Variants in ADARB2 observed in about 807,000 individuals in gnomAD.
The protein encoded by ADARB2 is adenosine deaminase RNA specific B2 (inactive), also known as inactive double-stranded RNA-specific editase B2.
In ADARB2, 25 loss-of-function variants were observed where a neutral mutation model predicts 62.2. The observed-to-expected ratio is 0.40, with a 90% CI of 0.29 to 0.56. ADARB2 has a LOEUF of 0.56. Ranked by LOEUF, ADARB2 falls within the 20% of genes least tolerant of loss-of-function variation. ADARB2 has a pLI of 0.43. For missense variants in ADARB2, 1,071 were observed against 1,077.4 expected (o/e 0.99, Z 0.08); for synonymous variants, 572 against 500.8 (o/e 1.14, Z -1.90).
intron 6 of ADARB2, among the ~76,000 whole-genome samples, chr10:1,228,679 A>G (rs1472698536): frequency 2.0e-5 from 3 of 152,224 alleles, no homozygotes; most frequent in Non-Finnish European, 4.4e-5. Flanking sequence ...GTCACATGAC[A>G]TTGAAGACTG....
rs1836614026 is a variant in ADARB2, at chr10:1,178,155, G to GA, written c.*5037_*5038insT. 1.4e-5 allele frequency: 1 copy of GA among 70,166 alleles called. No homozygotes were observed. Among genetic ancestry groups the GA allele is most frequent in the Non-Finnish European group, 3.2e-5 (1 of 31,404 alleles). 4.3% of individuals were successfully genotyped at this position (70,166 alleles called of 1,614,324 possible). On this transcript the variant is annotated 3_prime_UTR_variant, in exon 10 of 10. Transcript: ENST00000381312. ...CCTGTTGTGTGGATCCCTCGTGGGG[G>GA]GATGGTGCCTGAGACCTCCTCCTGG...
At chr10:1,381,195 CATAT>C (rs749260566) in intron 1 of ADARB2, among the ~76,000 whole-genome samples, 1 of 124,054 alleles carries the variant, frequency 8.1e-6, no homozygotes, top group Non-Finnish European at 1.8e-5. Context: ...CACACACACA[CATAT>C]ATACTTAAAA....
chr10:1,370,276 CAAA>C (rs1755089531), intron 2 of ADARB2, among the ~76,000 whole-genome samples: 2 of 152,022 alleles, frequency 1.3e-5, no homozygotes, highest in Non-Finnish European at 2.9e-5. Context: ...AAACTGTCAA[CAAA>C]CTAGGCATTG....
intron 4 of ADARB2, among the ~76,000 whole-genome samples, chr10:1,270,355 C>T (rs150012984): frequency 1.6e-4 from 25 of 152,096 alleles, no homozygotes; most frequent in African/African-American, 3.6e-4. Flanking sequence ...GTGAGTGTGA[C>T]GAGGAGGTCA....
intron 1 of ADARB2, among the ~76,000 whole-genome samples, chr10:1,490,404 T>C (rs1372754253): frequency 6.6e-6 from 1 of 152,192 alleles, no homozygotes; most frequent in Non-Finnish European, 1.5e-5. Context: ...AAATGACCAC[T>C]GAAAAAATCC....
chr10:1,218,580 T>C (rs1367684128), intron 6 of ADARB2, among the ~76,000 whole-genome samples: 2 of 152,180 alleles, frequency 1.3e-5, no homozygotes, highest in Non-Finnish European at 2.9e-5. Context: ...ATGGCTGGGA[T>C]CCGTGTCCCC....
chr10:1,535,436 T>C (rs1474422423), intron 1 of ADARB2, among the ~76,000 whole-genome samples: 1 of 152,192 alleles, frequency 6.6e-6, no homozygotes, highest in African/African-American at 2.4e-5. Context: ...TCAGATTAAA[T>C]GTATCTCCTT....
chr10:1,569,858 C>T (rs948638789), intron 1 of ADARB2, among the ~76,000 whole-genome samples: 1 of 152,024 alleles, frequency 6.6e-6, no homozygotes, highest in African/African-American at 2.4e-5. Context: ...GCATTTGGCA[C>T]TGCTTGTTTT....
intron 4 of ADARB2, among the ~76,000 whole-genome samples, chr10:1,266,171 C>T (rs1024434759): frequency 6.6e-6 from 1 of 152,224 alleles, no homozygotes; most frequent in East Asian, 1.9e-4. Context: ...GAGAAGATGG[C>T]GTGTGGGTCG....
intron 1 of ADARB2, among the ~76,000 whole-genome samples, chr10:1,387,355 C>T (rs2131864090): frequency 1.3e-5 from 2 of 151,788 alleles, no homozygotes; most frequent in Admixed American, 1.3e-4. Context: ...TGATAAATCT[C>T]AAGTTAGATT....
intron 4 of ADARB2, among the ~76,000 whole-genome samples, chr10:1,263,838 C>A (rs914304532): frequency 6.6e-6 from 1 of 152,108 alleles, no homozygotes; most frequent in Non-Finnish European, 1.5e-5. Context: ...ATGAGCCAGG[C>A]TAAACTATTT....
chr10:1,602,043 C>G (rs144083468), intron 1 of ADARB2, among the ~76,000 whole-genome samples: 1 of 152,112 alleles, frequency 6.6e-6, no homozygotes, highest in Non-Finnish European at 1.5e-5. Flanking sequence ...GGAACCGGTG[C>G]GTGTTGGGTG....
intron 3 of ADARB2, among the ~76,000 whole-genome samples, chr10:1,320,569 TCA>T: frequency 6.6e-6 from 1 of 152,326 alleles, no homozygotes; most frequent in East Asian, 1.9e-4. Context: ...TAGTTCTTAG[TCA>T]TAATATATAC....
intron 1 of ADARB2, among the ~76,000 whole-genome samples, chr10:1,416,411 T>C (rs954241369): frequency 2.0e-5 from 3 of 152,256 alleles, no homozygotes; most frequent in Non-Finnish European, 2.9e-5. Flanking sequence ...ACTTCAGTTA[T>C]AGCTGGTTCC....
rs576386040 is a variant in ADARB2, at chr10:1,328,211, G to A, written c.1077+34817C>T. Among the ~76,000 whole-genome samples the A allele has an allele frequency of 2.6e-5, 4 of 152,332 alleles. No homozygotes were observed. In the South Asian group the frequency reaches 6.2e-4, roughly 24 times the overall value. On this transcript the variant is annotated intron_variant, in intron 3 of 9. Coordinates refer to ENST00000381312, the MANE Select transcript of ADARB2 (RefSeq NM_018702.4). ...CAACACCCATGACGTGGAGATGAGC[G>A]ATTGTGGCGGCACAGGGACCCCTCT...
intron 1 of ADARB2, among the ~76,000 whole-genome samples, chr10:1,509,903 A>C (rs1170500672): frequency 1.3e-5 from 2 of 152,132 alleles, no homozygotes; most frequent in African/African-American, 4.8e-5. Context: ...TCTTTATGTC[A>C]AGGAGGGAGC....
At chr10:1,496,309 CAACATCATCATT>C (rs1831690601) in intron 1 of ADARB2, among the ~76,000 whole-genome samples, 1 of 109,304 alleles carries the variant, frequency 9.1e-6, no homozygotes, top group Non-Finnish European at 2.3e-5. Context: ...TCATCAGTAT[CAACATCATCATT>C]AGTATCAACA....
At chr10:1,461,988 T>G (rs185212035) in intron 1 of ADARB2, among the ~76,000 whole-genome samples, 1 of 152,212 alleles carries the variant, frequency 6.6e-6, no homozygotes, top group East Asian at 1.9e-4. Context: ...GGCAACAGAG[T>G]GAGACTCCAT....
intron 3 of ADARB2, among the ~76,000 whole-genome samples, chr10:1,361,919 A>G (rs1832261126): frequency 6.6e-6 from 1 of 152,278 alleles, no homozygotes; most frequent in Admixed American, 6.5e-5. Context: ...GATTGATGCC[A>G]AAATGAATAA....
Sources: gnomAD v4.1 joint callset for allele counts (sites outside exome capture counted in the v4.1 genomes callset) on GRCh38, gnomAD v4.1.1 for gene constraint, MANE v1.5 for transcripts, NCBI Gene and HGNC (gene_info 2026-07-23, HGNC 2026-07-21) for gene names.